RBM19: variants seen among roughly 807,000 people sequenced by gnomAD.
The protein encoded by RBM19 is RNA binding motif protein 19.
RBM19 carries 94 observed loss-of-function variants against 116.8 expected under a neutral mutation model. That is an observed-to-expected ratio of 0.80 (90% confidence interval 0.68 to 0.95). The LOEUF is 0.95. Ranked by LOEUF, RBM19 falls within the 40% of genes least tolerant of loss-of-function variation. RBM19 has a pLI of 0.00. For missense variants in RBM19, 1,161 were observed against 1,220.7 expected, an observed-to-expected ratio of 0.95 and a Z score of 0.73; for synonymous variants, 475 against 494.1, an observed-to-expected ratio of 0.96 and a Z score of 0.51.
rs377224995 is a variant in RBM19 at position 113,823,304 on chromosome 12, G to A, written c.2803C>T (p.Arg935Trp). 2.7e-5 allele frequency: 43 copies of A among 1,612,974 alleles called. No homozygotes were observed. The highest frequency in any genetic ancestry group is 1.6e-4 in the Middle Eastern group (1 of 6,082). Residue 935 changes from arginine to tryptophan, a missense_variant, in exon 24 of 24, where the codon CGG becomes TGG. Coordinates refer to ENST00000261741, the MANE Select transcript of RBM19 (RefSeq NM_016196.4). ...AGGATCTCGTCCAACACCACAGACC[G>A]CTTTTTCTTCGGGGGCTCTGTGGGA... is the stretch of plus-strand genomic sequence containing the variant. ...AHFHEPPKKK[R>W]SVVLDEILEQ...
Position 113,966,301 on chromosome 12 carries a change from T to G in RBM19, c.-74A>C. On this transcript the variant is annotated 5_prime_UTR_variant, in exon 1 of 24. Transcript: ENST00000261741. ...TCCACCAAGTTTCACGCTACCGCCC[T>G]GGGCGCCGCCATCTTTACCGAGCCG... 6.3e-7 allele frequency: 1 copy of G among 1,593,714 alleles called. No homozygotes were observed. The highest frequency in any genetic ancestry group is 8.6e-7 in the Non-Finnish European group (1 of 1,161,650).
At chr12:113,935,108 G>T (rs1869933303) in intron 16 of RBM19, among the ~76,000 whole-genome samples, 1 of 152,180 alleles carries the variant, frequency 6.6e-6, no homozygotes. Context: ...GAAAAAAGAA[G>T]ACAGCAGAGA....
At chr12:113,941,608 TCCAA>T (rs55776264) in intron 14 of RBM19, among the ~76,000 whole-genome samples, 41,526 of 139,598 alleles carry the variant, frequency 0.3, 5,897 homozygotes, top group Middle Eastern at 0.42. Flanking sequence ...CATCCATCCA[TCCAA>T]CCATCAAGCC....
chr12:113,948,609 T>C (rs1871230160), intron 10 of RBM19, among the ~76,000 whole-genome samples: 1 of 152,206 alleles, frequency 6.6e-6, no homozygotes, highest in Non-Finnish European at 1.5e-5. Context: ...ATGCCAGTGA[T>C]GCTATTAATA....
At chr12:113,886,735 G>A (rs1333619392) in intron 21 of RBM19, among the ~76,000 whole-genome samples, 1 of 152,096 alleles carries the variant, frequency 6.6e-6, no homozygotes, top group Non-Finnish European at 1.5e-5. Context: ...TGTCTTGCAT[G>A]AGGAAAAAAC....
At chr12:113,964,911 C>G (rs1487092653) in intron 1 of RBM19, among the ~76,000 whole-genome samples, 1 of 149,204 alleles carries the variant, frequency 6.7e-6, no homozygotes, top group African/African-American at 2.5e-5. Context: ...CTGTGTGTTA[C>G]AAAGTTCCTT....
rs370912212 is a variant in RBM19 at position 113,950,473 on chromosome 12, T to G, written c.1001-319A>C. On this transcript the variant is annotated intron_variant, in intron 8 of 23. Coordinates refer to ENST00000261741, the MANE Select transcript of RBM19 (RefSeq NM_016196.4). ...CCGACTGGCACCTGCTCTAAGCCAT[T>G]CTCTGGAGAAGGGCCTGTGGCTACA... is the stretch of plus-strand genomic sequence containing the variant. 4.7e-3 allele frequency among the ~76,000 whole-genome samples: 715 copies of G among 152,208 alleles called. 3 individuals carry two copies. Among genetic ancestry groups the G allele is most frequent in the African/African-American group, 0.016 (683 of 41,534 alleles).
In RBM19 at chr12:113,822,936, C is replaced by T. The variant is rs1455865337; in HGVS notation, c.*288G>A. ...CCTGTGTAGCTGTTCCCAAGTCTCTCTTCCTAACGTGGCTGCTCCCTTGGA... is the reference window on the plus strand; with the variant it reads ...CCTGTGTAGCTGTTCCCAAGTCTCTTTTCCTAACGTGGCTGCTCCCTTGGA... On this transcript the variant is annotated 3_prime_UTR_variant, in exon 24 of 24. Transcript: ENST00000261741. The T allele has an allele frequency of 5.8e-6, 2 of 346,888 alleles. No homozygotes were observed. The highest frequency in any genetic ancestry group is 1.1e-5 in the Non-Finnish European group (2 of 188,892). The allele number at this position is 346,888 out of a possible 1,614,324, so 21.5% of individuals were successfully genotyped here.
chr12:113,960,601 G>A (rs918323723), intron 2 of RBM19, among the ~76,000 whole-genome samples: 2 of 152,158 alleles, frequency 1.3e-5, no homozygotes, highest in Admixed American at 1.3e-4. Flanking sequence ...AACTCAGGGG[G>A]TCTCTGGGCT....
chr12:113,914,481 G>A (rs1593577220), intron 21 of RBM19, among the ~76,000 whole-genome samples: 1 of 152,230 alleles, frequency 6.6e-6, no homozygotes, highest in East Asian at 1.9e-4. Flanking sequence ...AAACACCGAT[G>A]TCTAGACCCC....
intron 19 of RBM19, 104 bp downstream of exon 19, chr12:113,920,507 G>C: frequency 9.4e-7 from 1 of 1,069,294 alleles, no homozygotes; most frequent in East Asian, 2.4e-5. Flanking sequence ...GCCCGGTCAA[G>C]TGTAGACTTC....
intron 23 of RBM19, among the ~76,000 whole-genome samples, chr12:113,843,306 C>T (rs988740248): frequency 6.6e-6 from 1 of 152,144 alleles, no homozygotes. Context: ...CCAGGTGACA[C>T]CCGAGGCCCT....
chr12:113,855,821 C>T (rs183418582), intron 22 of RBM19, among the ~76,000 whole-genome samples: 6 of 152,336 alleles, frequency 3.9e-5, no homozygotes, highest in African/African-American at 9.6e-5. Context: ...TTACAATATT[C>T]AGAATCCTAT....
chr12:113,888,634 G>C (rs751351133), intron 21 of RBM19, among the ~76,000 whole-genome samples: 15 of 152,104 alleles, frequency 9.9e-5, no homozygotes, highest in Non-Finnish European at 2.1e-4. Context: ...GGAAACTGAG[G>C]TTCCCAGAAG....
At chr12:113,926,718 G>A (rs999321200) in intron 17 of RBM19, among the ~76,000 whole-genome samples, 2 of 152,246 alleles carry the variant, frequency 1.3e-5, no homozygotes, top group Non-Finnish European at 2.9e-5. Context: ...CAGCGGGCGA[G>A]AGGATTGTGC....
At chr12:113,879,953 C>A (rs911659002) in intron 21 of RBM19, among the ~76,000 whole-genome samples, 1 of 151,852 alleles carries the variant, frequency 6.6e-6, no homozygotes, top group Non-Finnish European at 1.5e-5. Context: ...TTAGAAGCCC[C>A]TTCTCTGGCA....
At chr12:113,956,653 G>A (rs1163472767) in intron 6 of RBM19, among the ~76,000 whole-genome samples, 1 of 151,708 alleles carries the variant, frequency 6.6e-6, no homozygotes, top group East Asian at 1.9e-4. Flanking sequence ...GGAGGGAACA[G>A]GGACCTGGAC....
rs79120696 is a variant in RBM19 at position 113,920,644 on chromosome 12, C to G, written c.2352G>C (p.Pro784=). The G allele has an allele frequency of 6.2e-7, 1 of 1,614,028 alleles. No homozygotes were observed. The highest frequency in any genetic ancestry group is 8.5e-7 in the Non-Finnish European group (1 of 1,180,010). ...MGFGFVEYRK[P]EQAQKALKQL... ...GCTTGAGAGCTTTCTGGGCTTGCTC[C>G]GGCTTCCTGTATTCCACAAATCCAA... The change falls in exon 19 of 24, where the codon CCG becomes CCC. Residue 784 remains proline, a synonymous_variant. Transcript: ENST00000261741.
At chr12:113,929,278 C>T (rs568222852) in intron 16 of RBM19, among the ~76,000 whole-genome samples, 2 of 152,294 alleles carry the variant, frequency 1.3e-5, no homozygotes, top group African/African-American at 2.4e-5. Flanking sequence ...AATTAAGCTT[C>T]GACCACTTTG....
Sources: allele counts gnomAD v4.1 joint callset (sites outside exome capture counted in the v4.1 genomes callset), GRCh38; gene constraint gnomAD v4.1.1; transcripts MANE v1.5; gene names NCBI Gene and HGNC (gene_info 2026-07-23, HGNC 2026-07-21).